The following KCNH8 variants were observed in gnomAD, a reference collection of about 807,000 sequenced individuals.
KCNH8 encodes the protein voltage-gated delayed rectifier potassium channel KCNH8.
A neutral mutation model predicts 103.6 loss-of-function variants in KCNH8; 70 were observed. The observed-to-expected ratio is 0.68, with a 90% confidence interval of 0.56 to 0.82. The LOEUF is 0.82. Among genes scored for constraint, KCNH8 ranks in the 40% least tolerant of loss-of-function variants. KCNH8 has a pLI of 0.00. For missense variants in KCNH8, 1,217 were observed against 1,329.9 expected (o/e 0.92, Z 1.32); for synonymous variants, 498 against 489.4 (o/e 1.02, Z -0.23).
At chr3:19,283,849 G>C (rs2064790842) in intron 3 of KCNH8, among the ~76,000 whole-genome samples, 1 of 151,108 alleles carries the variant, frequency 6.6e-6, no homozygotes, top group African/African-American at 2.4e-5. Flanking sequence ...AGGCTGAGGT[G>C]AGAGGATCAC....
intron 3 of KCNH8, among the ~76,000 whole-genome samples, chr3:19,310,316 T>C (rs2065191858): frequency 6.6e-6 from 1 of 151,952 alleles, no homozygotes; most frequent in Non-Finnish European, 1.5e-5. Flanking sequence ...TTTGAAGATT[T>C]TTTTACTACT....
At chr3:19,374,591 T>G (rs2066160571) in intron 5 of KCNH8, among the ~76,000 whole-genome samples, 1 of 152,166 alleles carries the variant, frequency 6.6e-6, no homozygotes, top group Non-Finnish European at 1.5e-5. Context: ...ATTGGAGCAT[T>G]TAGTCCATTT....
intron 13 of KCNH8, 104 bp downstream of exon 13, chr3:19,513,429 T>C (rs1575163317): frequency 7.1e-7 from 1 of 1,400,008 alleles, no homozygotes; most frequent in East Asian, 2.3e-5. Flanking sequence ...CACAGATTCC[T>C]AGCCTGGAAT....
chr3:19,502,656 C>G (rs1163020927), intron 11 of KCNH8, among the ~76,000 whole-genome samples: 48 of 151,858 alleles, frequency 3.2e-4, no homozygotes, highest in Admixed American at 5.9e-4. Context: ...TGACAAACCT[C>G]AGAAAAACAA....
At chr3:19,382,617 T>C (rs2066303109) in intron 5 of KCNH8, among the ~76,000 whole-genome samples, 1 of 152,282 alleles carries the variant, frequency 6.6e-6, no homozygotes, top group South Asian at 2.1e-4. Flanking sequence ...AAGTCATTCA[T>C]TGACCCTGTT....
chr3:19,372,517 G>A (rs921848730), intron 5 of KCNH8, among the ~76,000 whole-genome samples: 2 of 152,144 alleles, frequency 1.3e-5, no homozygotes, highest in African/African-American at 4.8e-5. Context: ...TTTGGGCTGA[G>A]ACAATGGGGT....
intron 11 of KCNH8, among the ~76,000 whole-genome samples, chr3:19,475,737 T>A (rs902916741): frequency 2.0e-5 from 3 of 152,180 alleles, no homozygotes; most frequent in African/African-American, 7.2e-5. Flanking sequence ...AACTAGAGAT[T>A]TATCAGGCAT....
chr3:19,301,571 A>G (rs2065065125), intron 3 of KCNH8, among the ~76,000 whole-genome samples: 1 of 152,060 alleles, frequency 6.6e-6, no homozygotes, highest in Non-Finnish European at 1.5e-5. Flanking sequence ...TCTAACACCA[A>G]ATGTGTGTTT....
intron 5 of KCNH8, among the ~76,000 whole-genome samples, chr3:19,362,667 G>GTTGT (rs369369718): frequency 5.9e-5 from 9 of 152,026 alleles, no homozygotes; most frequent in African/African-American, 1.4e-4. Flanking sequence ...GTTTTTGTTT[G>GTTGT]TTGTTTGTTT....
intron 1 of KCNH8, among the ~76,000 whole-genome samples, chr3:19,167,851 A>T (rs2063300688): frequency 6.6e-6 from 1 of 152,114 alleles, no homozygotes; most frequent in African/African-American, 2.4e-5. Flanking sequence ...CCAGTTTTAC[A>T]TGGAATCATT....
chr3:19,484,871 G>T (rs936253323), intron 11 of KCNH8, among the ~76,000 whole-genome samples: 1 of 152,084 alleles, frequency 6.6e-6, no homozygotes, highest in Non-Finnish European at 1.5e-5. Flanking sequence ...CTCGGGGAGT[G>T]CCTGGAAGTC....
chr3:19,406,899 G>T (rs2066699887), intron 7 of KCNH8, among the ~76,000 whole-genome samples: 2 of 152,116 alleles, frequency 1.3e-5, no homozygotes, highest in South Asian at 2.1e-4. Context: ...CAGATCAAAT[G>T]ATCTCCAAAA....
At chr3:19,297,717 G>A (rs916040984) in intron 3 of KCNH8, among the ~76,000 whole-genome samples, 1 of 152,108 alleles carries the variant, frequency 6.6e-6, no homozygotes, top group Non-Finnish European at 1.5e-5. Context: ...GAGTGGAAAA[G>A]GGCTAGAAGG....
In KCNH8 at chr3:19,163,302, CAA is replaced by C. The variant is rs957213093; in HGVS notation, c.76+14509_76+14510del. On this transcript the variant is annotated intron_variant, in intron 1 of 15. Transcript: ENST00000328405. ...TATAAAATTATATATATATATAAAACAAATAATTTTACTTTTTAAAATAGTTT... is the reference window on the plus strand; with the variant it reads ...TATAAAATTATATATATATATAAAACATAATTTTACTTTTTAAAATAGTTT... Among the ~76,000 whole-genome samples the C allele has an allele frequency of 5.3e-5, 8 of 149,612 alleles. No individual in the cohort carries two copies. In the South Asian group the frequency reaches 8.4e-4, roughly 16 times the overall value.
chr3:19,465,264 A>G (rs760893178), intron 11 of KCNH8, among the ~76,000 whole-genome samples: 1 of 152,138 alleles, frequency 6.6e-6, no homozygotes, highest in Non-Finnish European at 1.5e-5. Context: ...TTGTCATTCC[A>G]AAAATCCTAG....
rs1288515052 is a variant in KCNH8, at chr3:19,251,322, C to T, written c.77-2332C>T. ...TTAATTATGAGTCTAGGGTAATGCA[C>T]CTCACTCCTGTGGCCTCAAAACAAT... On this transcript the variant is annotated intron_variant, in intron 1 of 15. Transcript: ENST00000328405. 2.6e-5 allele frequency among the ~76,000 whole-genome samples: 4 copies of T among 151,862 alleles called. No individual in the cohort carries two copies. The South Asian group carries it at 6.3e-4, about 24-fold the overall frequency.
At chr3:19,516,890 C>T (rs2068884196) in intron 14 of KCNH8, among the ~76,000 whole-genome samples, 1 of 152,042 alleles carries the variant, frequency 6.6e-6, no homozygotes, top group African/African-American at 2.4e-5. Flanking sequence ...ATTTGTATTA[C>T]TCTATTCCTA....
chr3:19,347,123 G>A (rs543537883), intron 4 of KCNH8, among the ~76,000 whole-genome samples: 17 of 152,156 alleles, frequency 1.1e-4, no homozygotes, highest in African/African-American at 3.6e-4. Flanking sequence ...ATCTGTGTCA[G>A]TCAAGGTAAC....
chr3:19,438,036 C>T, intron 7 of KCNH8, 128 bp from the exon 8 acceptor site: 2 of 742,072 alleles, frequency 2.7e-6, no homozygotes, highest in South Asian at 1.7e-5. Flanking sequence ...CCTTTAATTT[C>T]CTTTTTACCT....
Sources: allele counts gnomAD v4.1 joint callset (sites outside exome capture counted in the v4.1 genomes callset), GRCh38; gene constraint gnomAD v4.1.1; transcripts MANE v1.5; gene names NCBI Gene and HGNC (gene_info 2026-07-23, HGNC 2026-07-21).